Variants in DLGAP2 observed in about 807,000 individuals in gnomAD.
DLGAP2 encodes DLG associated protein 2.
Under a neutral mutation model 100.3 loss-of-function variants are expected in DLGAP2, and 26 were observed. The observed-to-expected ratio is 0.26, with a 90% CI of 0.19 to 0.36. The LOEUF (loss-of-function observed/expected upper bound fraction) is 0.36. Among genes scored for constraint, DLGAP2 ranks in the 10% least tolerant of loss-of-function variants. The pLI, the probability that DLGAP2 is intolerant of heterozygous loss-of-function variation, is 1.00. For missense variants in DLGAP2, 1,858 were observed against 1,453.2 expected (o/e 1.28, Z -4.53); for synonymous variants, 886 against 630.1 (o/e 1.41, Z -6.08).
chr8:1,177,193 A>G (rs1230609029), intron 2 of DLGAP2, among the ~76,000 whole-genome samples: 2 of 152,028 alleles, frequency 1.3e-5, no homozygotes, highest in Admixed American at 6.6e-5. Flanking sequence ...GGGCCCTTAC[A>G]TCTTTTCTTG....
chr8:1,636,827 G>C (rs1797777945), intron 8 of DLGAP2, among the ~76,000 whole-genome samples: 1 of 152,240 alleles, frequency 6.6e-6, no homozygotes, highest in African/African-American at 2.4e-5. Flanking sequence ...ATTTGAAAAA[G>C]TAGAGAATTT....
At chr8:1,110,484 T>C (rs1439001956) in intron 2 of DLGAP2, among the ~76,000 whole-genome samples, 1 of 150,260 alleles carries the variant, frequency 6.7e-6, no homozygotes, top group Non-Finnish European at 1.5e-5. Flanking sequence ...TGACATGTGC[T>C]CGGTCTGTGA....
At chr8:1,287,462 T>G (rs1799952749) in intron 3 of DLGAP2, among the ~76,000 whole-genome samples, 1 of 100,934 alleles carries the variant, frequency 9.9e-6, no homozygotes, top group Admixed American at 1.1e-4. Context: ...GGAACTAGTT[T>G]CGGTTCAGCG....
At chr8:937,265 C>T (rs1799093080) in intron 2 of DLGAP2, among the ~76,000 whole-genome samples, 1 of 152,184 alleles carries the variant, frequency 6.6e-6, no homozygotes, top group Non-Finnish European at 1.5e-5. Flanking sequence ...GATGGGCATG[C>T]TGTTTCTTAT....
At chr8:1,357,153 G>A (rs75785605) in intron 3 of DLGAP2, among the ~76,000 whole-genome samples, 9,703 of 152,148 alleles carry the variant, frequency 0.064, 370 homozygotes, top group Middle Eastern at 0.15. Context: ...CTCTTCACCA[G>A]TCTGTGGACC....
intron 1 of DLGAP2, among the ~76,000 whole-genome samples, chr8:860,907 A>G (rs1382186724): frequency 6.6e-6 from 1 of 152,134 alleles, no homozygotes; most frequent in Non-Finnish European, 1.5e-5. Flanking sequence ...TGGAGGAGCA[A>G]TGGGCATTCT....
intron 8 of DLGAP2, among the ~76,000 whole-genome samples, chr8:1,641,509 A>C (rs1434497727): frequency 6.6e-6 from 1 of 152,200 alleles, no homozygotes. Context: ...CGAATTAATC[A>C]TAATACGAAT....
At chr8:837,014 G>T (rs1796891022) in intron 1 of DLGAP2, among the ~76,000 whole-genome samples, 1 of 152,200 alleles carries the variant, frequency 6.6e-6, no homozygotes, top group Non-Finnish European at 1.5e-5. Context: ...TAATGTCATG[G>T]TTAGAAACAC....
Position 1,478,079 on chromosome 8 carries a change from C to A in DLGAP2, c.107-23287C>A, listed in dbSNP as rs537828255. Among the ~76,000 whole-genome samples the A allele has an allele frequency of 2.0e-5, 3 of 152,316 alleles. No homozygotes were observed. In the East Asian group the frequency reaches 5.8e-4, roughly 29 times the overall value. On this transcript the variant is annotated intron_variant, in intron 3 of 14. Transcript: ENST00000637795. Reference sequence around the variant, plus strand: ...CTTCAGAAATCACAGCATTTCTTTTCCCCATTTGCCGTCTTGCTCATGGGA... The same window carrying A: ...CTTCAGAAATCACAGCATTTCTTTTACCCATTTGCCGTCTTGCTCATGGGA...
At chr8:829,815 T>C (rs1052139689) in intron 1 of DLGAP2, among the ~76,000 whole-genome samples, 1 of 152,232 alleles carries the variant, frequency 6.6e-6, no homozygotes, top group Non-Finnish European at 1.5e-5. Context: ...TTATAATAAC[T>C]GCAGTATATT....
At chr8:1,572,912 T>C (rs1802793508) in intron 6 of DLGAP2, among the ~76,000 whole-genome samples, 2 of 103,730 alleles carry the variant, frequency 1.9e-5, no homozygotes, top group Admixed American at 1.1e-4. Context: ...ACTGGAGGGG[T>C]GTCTGATGAG....
chr8:1,676,468 C>G, intron 10 of DLGAP2, 65 bp from the exon 11 acceptor site: 1 of 1,509,392 alleles, frequency 6.6e-7, no homozygotes, highest in Non-Finnish European at 9.0e-7. Flanking sequence ...ACAACAACAA[C>G]AAAATAGTCC....
At chr8:1,690,836 A>T (rs1368692455) in intron 12 of DLGAP2, among the ~76,000 whole-genome samples, 1 of 152,108 alleles carries the variant, frequency 6.6e-6, no homozygotes, top group African/African-American at 2.4e-5. Context: ...TCAGAAATGT[A>T]GCGTTAGCAT....
chr8:1,043,988 C>A (rs1369882220), intron 2 of DLGAP2, among the ~76,000 whole-genome samples: 27 of 152,134 alleles, frequency 1.8e-4, no homozygotes, highest in Non-Finnish European at 2.9e-5. Flanking sequence ...ACCTCTGAAG[C>A]CCCCAGGACT....
intron 5 of DLGAP2, among the ~76,000 whole-genome samples, chr8:1,551,874 A>T (rs886344022): frequency 1.3e-5 from 2 of 152,160 alleles, no homozygotes; most frequent in African/African-American, 4.8e-5. Context: ...CTGAGGGCTC[A>T]CTGTCTCTTG....
chr8:1,195,537 A>G (rs921714486), intron 2 of DLGAP2, among the ~76,000 whole-genome samples: 11 of 152,252 alleles, frequency 7.2e-5, no homozygotes, highest in African/African-American at 1.9e-4. Flanking sequence ...TGCCTATCCA[A>G]TTACTTGGTA....
intron 2 of DLGAP2, among the ~76,000 whole-genome samples, chr8:928,619 A>C (rs2129002814): frequency 6.6e-6 from 1 of 152,198 alleles, no homozygotes; most frequent in East Asian, 1.9e-4. Context: ...AGAGGAATAA[A>C]AAAAAATAAA....
chr8:850,122 T>G (rs1472566348), intron 1 of DLGAP2, among the ~76,000 whole-genome samples: 1 of 152,034 alleles, frequency 6.6e-6, no homozygotes, highest in Admixed American at 6.6e-5. Flanking sequence ...GACTTCCCTC[T>G]GTATTCTGGG....
At chr8:1,156,732 C>T (rs1796799415) in intron 2 of DLGAP2, among the ~76,000 whole-genome samples, 1 of 152,148 alleles carries the variant, frequency 6.6e-6, no homozygotes, top group African/African-American at 2.4e-5. Context: ...AGCACCCCAA[C>T]TCAGCACCCC....
Sources: allele counts gnomAD v4.1 joint callset (sites outside exome capture counted in the v4.1 genomes callset), GRCh38; gene constraint gnomAD v4.1.1; transcripts MANE v1.5; gene names NCBI Gene and HGNC (gene_info 2026-07-23, HGNC 2026-07-21).